Variants in LAMP3 observed in about 807,000 individuals in gnomAD.
LAMP3 encodes lysosome-associated membrane glycoprotein 3.
A neutral mutation model predicts 34.8 loss-of-function variants in LAMP3; 26 were observed. The observed-to-expected ratio is 0.75, with a 90% CI of 0.55 to 1.04. The LOEUF is 1.04. Among genes scored for constraint, LAMP3 ranks in the 50% least tolerant of loss-of-function variants. The pLI is 0.00. For missense variants in LAMP3, 495 were observed against 524.0 expected (o/e 0.94, Z 0.54); for synonymous variants, 180 against 201.9 (o/e 0.89, Z 0.92).
intron 1 of LAMP3, among the ~76,000 whole-genome samples, chr3:183,159,710 C>T (rs1369640930): frequency 1.3e-5 from 2 of 152,250 alleles, no homozygotes; most frequent in Non-Finnish European, 2.9e-5. Flanking sequence ...CTAACAGTAC[C>T]TCAAGTTTCA....
intron 5 of LAMP3, among the ~76,000 whole-genome samples, chr3:183,135,046 C>A (rs1241282554): frequency 6.6e-6 from 1 of 152,204 alleles, no homozygotes; most frequent in Admixed American, 6.5e-5. Flanking sequence ...GAGGGCTTTT[C>A]TGGAAAGTCA....
intron 3 of LAMP3, among the ~76,000 whole-genome samples, chr3:183,146,095 T>C (rs1720431759): frequency 1.3e-5 from 2 of 152,244 alleles, no homozygotes; most frequent in South Asian, 4.1e-4. Context: ...TCTAAGGTTC[T>C]CTTTTTCTCT....
At position 183,154,168 on chromosome 3, in the gene LAMP3, T is replaced by C; in HGVS notation, c.273A>G (p.Thr91=). 6.2e-7 allele frequency: 1 copy of C among 1,613,938 alleles called. No homozygotes were observed. The highest frequency in any genetic ancestry group is 8.5e-7 in the Non-Finnish European group (1 of 1,179,886). ...VKIPTTTPAT[T]KNTATTSPIT... ...TTGGGCTGGTGGTTGCAGTGTTTTT[T>C]GTAGTCGCTGGGGTAGTTGTTGGAA... is the stretch of plus-strand genomic sequence containing the variant. The change falls in exon 2 of 6, where the codon ACA becomes ACG. Residue 91 remains threonine (T), a synonymous_variant. Transcript: ENST00000265598.
chr3:183,136,921 T>C (rs1720115983), intron 4 of LAMP3, among the ~76,000 whole-genome samples: 1 of 151,650 alleles, frequency 6.6e-6, no homozygotes, highest in Non-Finnish European at 1.5e-5. Flanking sequence ...GGTGGGAGGA[T>C]CATTTGAGCC....
upstream of LAMP3, among the ~76,000 whole-genome samples, chr3:183,163,092 G>A (rs1317381522): frequency 6.6e-6 from 1 of 151,838 alleles, no homozygotes; most frequent in African/African-American, 2.4e-5. Flanking sequence ...CGAGTAGCTG[G>A]GATTACAGGC....
intron 3 of LAMP3, among the ~76,000 whole-genome samples, chr3:183,141,046 G>A (rs955592178): frequency 6.6e-6 from 1 of 152,160 alleles, no homozygotes; most frequent in African/African-American, 2.4e-5. Flanking sequence ...TGGCTTAGAA[G>A]GCTCATCCTT....
intron 5 of LAMP3, chr3:183,132,354 T>C: frequency 5.2e-6 from 5 of 956,642 alleles, no homozygotes; most frequent in Non-Finnish European, 6.2e-6. Context: ...AATCCAGGAG[T>C]TTAAAATCAT....
chr3:183,136,343 G>C (rs553139225), intron 4 of LAMP3, among the ~76,000 whole-genome samples: 1 of 152,282 alleles, frequency 6.6e-6, no homozygotes, highest in African/African-American at 2.4e-5. Flanking sequence ...GAATGTATTA[G>C]ATGAGCAGGG....
chr3:183,134,135 G>C (rs887450758), intron 5 of LAMP3, among the ~76,000 whole-genome samples: 2 of 152,200 alleles, frequency 1.3e-5, no homozygotes, highest in Admixed American at 1.3e-4. Context: ...GAAATTTGAA[G>C]TGCAAAGACT....
intron 1 of LAMP3, chr3:183,161,980 G>T: frequency 1.0e-6 from 1 of 985,208 alleles, no homozygotes; most frequent in Non-Finnish European, 1.2e-6. Flanking sequence ...CCCCCTGCTT[G>T]AGCATGTTAG....
At chr3:183,152,546 A>G (rs375319170) in intron 2 of LAMP3, 43 bp from the exon 3 acceptor site, 93 of 1,557,766 alleles carry the variant, frequency 6.0e-5, no homozygotes, top group Non-Finnish European at 7.7e-5. Flanking sequence ...ATGTAGAGGA[A>G]AACTCTAGCT....
chr3:183,124,336 T>TTAAC, intron 5 of LAMP3, 122 bp from the exon 6 acceptor site: 2 of 802,116 alleles, frequency 2.5e-6, no homozygotes, highest in Non-Finnish European at 1.8e-6. Flanking sequence ...AACTCCACCA[T>TTAAC]TAACTAGCTT....
chr3:183,134,316 T>G (rs1720017194), intron 5 of LAMP3, among the ~76,000 whole-genome samples: 1 of 30,314 alleles, frequency 3.3e-5, no homozygotes, highest in African/African-American at 1.1e-4. Flanking sequence ...AATGATGGTT[T>G]TAAGAAAAAA....
At chr3:183,125,094 A>C (rs1488900795) in intron 5 of LAMP3, among the ~76,000 whole-genome samples, 1 of 152,244 alleles carries the variant, frequency 6.6e-6, no homozygotes, top group Non-Finnish European at 1.5e-5. Flanking sequence ...AATGTAATTG[A>C]TTGGGTCAGA....
intron 4 of LAMP3, among the ~76,000 whole-genome samples, chr3:183,138,302 ACATTT>A (rs1197241116): frequency 6.6e-6 from 1 of 152,248 alleles, no homozygotes; most frequent in Non-Finnish European, 1.5e-5. Context: ...TATCTTACTT[ACATTT>A]AACAATCATT....
chr3:183,137,532 C>T (rs937801992), intron 4 of LAMP3, among the ~76,000 whole-genome samples: 4 of 152,020 alleles, frequency 2.6e-5, no homozygotes, highest in African/African-American at 9.7e-5. Flanking sequence ...GGCATTAATG[C>T]CAGCGTCTGT....
intron 1 of LAMP3, among the ~76,000 whole-genome samples, chr3:183,155,598 G>GT (rs1208676710): frequency 6.6e-6 from 1 of 152,206 alleles, no homozygotes; most frequent in East Asian, 1.9e-4. Flanking sequence ...ATTACAACTT[G>GT]TAAGTATATA....
intron 2 of LAMP3, among the ~76,000 whole-genome samples, chr3:183,153,189 AAAAG>A (rs1440639851): frequency 5.3e-5 from 8 of 151,638 alleles, no homozygotes; most frequent in South Asian, 2.1e-4. Flanking sequence ...AAAAAAAAAA[AAAAG>A]AAAGAAAATA....
chr3:183,132,547 GC>G, intron 5 of LAMP3: 1 of 985,242 alleles, frequency 1.0e-6, no homozygotes, highest in African/African-American at 1.7e-5. Context: ...TCTGCCTATT[GC>G]CCCTAATTCC....
Sources: allele counts gnomAD v4.1 joint callset (sites outside exome capture counted in the v4.1 genomes callset), GRCh38; gene constraint gnomAD v4.1.1; transcripts MANE v1.5; gene names NCBI Gene and HGNC (gene_info 2026-07-23, HGNC 2026-07-21).